MAGI2: variants seen among roughly 807,000 people sequenced by gnomAD.
MAGI2 encodes the protein membrane-associated guanylate kinase, WW and PDZ domain-containing protein 2.
Under a neutral mutation model 133.3 loss-of-function variants are expected in MAGI2, and 35 were observed. That is an observed-to-expected ratio of 0.26 (90% confidence interval 0.20 to 0.35). The LOEUF is 0.35. Among genes scored for constraint, MAGI2 ranks in the 10% least tolerant of loss-of-function variants. The probability of loss-of-function intolerance (pLI) is 1.00; values close to 1 mark genes in which losing one functional copy is unlikely to be tolerated. For missense variants in MAGI2, 1,636 were observed against 1,863.4 expected, an observed-to-expected ratio of 0.88 and a Z score of 2.25; for synonymous variants, 729 against 710.6, an observed-to-expected ratio of 1.03 and a Z score of -0.41.
chr7:78,098,412 T>C (rs1431644608), intron 20 of MAGI2, among the ~76,000 whole-genome samples: 2 of 152,206 alleles, frequency 1.3e-5, no homozygotes, highest in Non-Finnish European at 2.9e-5. Flanking sequence ...TTAGCAAATA[T>C]AGAAGATATC....
intron 4 of MAGI2, among the ~76,000 whole-genome samples, chr7:78,504,700 T>C (rs1364864532): frequency 6.6e-6 from 1 of 152,210 alleles, no homozygotes; most frequent in East Asian, 1.9e-4. Context: ...ATAAAGGCAG[T>C]ATTATATAAT....
chr7:78,468,353 A>T (rs1384454193), intron 6 of MAGI2, among the ~76,000 whole-genome samples: 2 of 152,160 alleles, frequency 1.3e-5, no homozygotes, highest in African/African-American at 4.8e-5. Context: ...TAAATGCGTG[A>T]CATATGTTGG....
intron 2 of MAGI2, among the ~76,000 whole-genome samples, chr7:78,915,918 G>A (rs1798758926): frequency 6.6e-6 from 1 of 151,970 alleles, no homozygotes; most frequent in South Asian, 2.1e-4. Flanking sequence ...GAAGGAAGTA[G>A]GGGAGAAAAT....
intron 7 of MAGI2, among the ~76,000 whole-genome samples, chr7:78,362,590 C>G (rs1186981824): frequency 6.6e-6 from 1 of 151,984 alleles, no homozygotes; most frequent in African/African-American, 2.4e-5. Context: ...GAAATGATGC[C>G]CCAAATTATA....
chr7:78,604,314 G>A (rs193037141), intron 3 of MAGI2, among the ~76,000 whole-genome samples: 5 of 152,262 alleles, frequency 3.3e-5, no homozygotes, highest in Non-Finnish European at 4.4e-5. Context: ...GTATGTTGAT[G>A]GGCAAGGAGG....
intron 9 of MAGI2, among the ~76,000 whole-genome samples, chr7:78,340,821 C>T (rs1790293003): frequency 6.6e-6 from 1 of 151,994 alleles, no homozygotes; most frequent in African/African-American, 2.4e-5. Context: ...ATAATAAGAG[C>T]TATTTATGAC....
At chr7:78,150,279 A>T (rs1823741513) in intron 16 of MAGI2, among the ~76,000 whole-genome samples, 1 of 152,176 alleles carries the variant, frequency 6.6e-6, no homozygotes, top group African/African-American at 2.4e-5. Context: ...GATAAATAAC[A>T]GTACTGTGTT....
At chr7:78,369,532 A>C (rs2151262334) in intron 6 of MAGI2, among the ~76,000 whole-genome samples, 1 of 152,214 alleles carries the variant, frequency 6.6e-6, no homozygotes, top group Middle Eastern at 3.4e-3. Flanking sequence ...CTTTCCTGAA[A>C]GTGTATATGT....
intron 2 of MAGI2, among the ~76,000 whole-genome samples, chr7:78,679,370 CCCAGCTT>C (rs1285023945): frequency 6.6e-6 from 1 of 152,148 alleles, no homozygotes; most frequent in Non-Finnish European, 1.5e-5. Flanking sequence ...TTTGTCAATT[CCCAGCTT>C]CCAGCCAAAT....
chr7:79,123,219 A>T (rs1331273120), intron 1 of MAGI2, among the ~76,000 whole-genome samples: 2 of 152,252 alleles, frequency 1.3e-5, no homozygotes, highest in Non-Finnish European at 2.9e-5. Context: ...AAAACAGAAC[A>T]TCCTTTATAG....
At chr7:78,699,086 T>C (rs1427309426) in intron 2 of MAGI2, among the ~76,000 whole-genome samples, 1 of 152,246 alleles carries the variant, frequency 6.6e-6, no homozygotes, top group Non-Finnish European at 1.5e-5. Context: ...CTTTGCTTTC[T>C]GATGGCTCAC....
intron 2 of MAGI2, among the ~76,000 whole-genome samples, chr7:78,671,418 T>C (rs1250548361): frequency 6.6e-6 from 1 of 152,078 alleles, no homozygotes; most frequent in Non-Finnish European, 1.5e-5. Context: ...TTTTCTGTGG[T>C]AGAGGAAAGC....
At chr7:78,193,928 C>G (rs1008975306) in intron 12 of MAGI2, among the ~76,000 whole-genome samples, 3 of 152,160 alleles carry the variant, frequency 2.0e-5, no homozygotes, top group African/African-American at 7.2e-5. Context: ...GTGCATAATT[C>G]TCAGCCCCTG....
At chr7:78,025,349 G>A (rs117299952) in intron 21 of MAGI2, among the ~76,000 whole-genome samples, 3 of 152,022 alleles carry the variant, frequency 2.0e-5, no homozygotes, top group Non-Finnish European at 2.9e-5. Flanking sequence ...ATTTTATTTC[G>A]TTGTAGTAAT....
At chr7:78,722,641 C>G (rs58176565) in intron 2 of MAGI2, among the ~76,000 whole-genome samples, 1,985 of 152,168 alleles carry the variant, frequency 0.013, 43 homozygotes, top group African/African-American at 0.046. Context: ...AAACATCAGT[C>G]TCAGTGTGAT....
At chr7:78,104,991 A>G (rs113960126) in intron 20 of MAGI2, among the ~76,000 whole-genome samples, 1 of 7,962 alleles carries the variant, frequency 1.3e-4, no homozygotes, top group African/African-American at 3.6e-4. Context: ...CTCCCACCTC[A>G]TCTCCCAGAA....
intron 1 of MAGI2, among the ~76,000 whole-genome samples, chr7:79,427,133 A>G (rs1300474380): frequency 6.6e-6 from 1 of 152,178 alleles, no homozygotes; most frequent in Non-Finnish European, 1.5e-5. Context: ...ACCTTGAAAC[A>G]AGTATATTCT....
intron 20 of MAGI2, among the ~76,000 whole-genome samples, chr7:78,106,820 T>G (rs1369127776): frequency 1.3e-5 from 2 of 152,136 alleles, no homozygotes; most frequent in African/African-American, 4.8e-5. Flanking sequence ...GTCTCTTCAC[T>G]CTCTTGATAG....
chr7:78,382,025 A>G (rs575136018), intron 6 of MAGI2, among the ~76,000 whole-genome samples: 1 of 152,340 alleles, frequency 6.6e-6, no homozygotes, highest in East Asian at 1.9e-4. Flanking sequence ...TTAATAGCAA[A>G]TCATGGAAAC....
Sources: allele counts gnomAD v4.1 joint callset (sites outside exome capture counted in the v4.1 genomes callset), GRCh38; gene constraint gnomAD v4.1.1; transcripts MANE v1.5; gene names NCBI Gene and HGNC (gene_info 2026-07-23, HGNC 2026-07-21).